The following GNB5 variants were observed in gnomAD, a reference collection of about 807,000 sequenced individuals.
GNB5 encodes guanine nucleotide-binding protein subunit beta-5.
A neutral mutation model predicts 55.3 loss-of-function variants in GNB5; 37 were observed. The observed-to-expected ratio is 0.67, with a 90% CI of 0.51 to 0.88. GNB5 has a LOEUF of 0.88. GNB5 is among the 40% of genes least tolerant of loss of function. GNB5 has a pLI of 0.00. For missense variants in GNB5, 476 were observed against 515.3 expected (o/e 0.92, Z 0.74); for synonymous variants, 219 against 198.5 (o/e 1.10, Z -0.87).
intron 3 of GNB5, among the ~76,000 whole-genome samples, chr15:52,167,627 T>C (rs564715331): frequency 1.3e-5 from 2 of 151,448 alleles, no homozygotes; most frequent in South Asian, 4.2e-4. Flanking sequence ...GTCAAGATCA[T>C]GCCATTGCAC....
chr15:52,139,867 C>T, intron 7 of GNB5: 2 of 1,286,674 alleles, frequency 1.6e-6, no homozygotes, highest in Non-Finnish European at 2.0e-6. Context: ...CAGAGCGAGT[C>T]TGATGGGTCT....
chr15:52,177,779 G>T (rs1174668729), intron 3 of GNB5, among the ~76,000 whole-genome samples: 2 of 152,090 alleles, frequency 1.3e-5, no homozygotes, highest in African/African-American at 4.8e-5. Context: ...CTTTATGCGG[G>T]GTAGAAGAGA....
At chr15:52,128,533 C>T in intron 9 of GNB5, 3 of 601,626 alleles carry the variant, frequency 5.0e-6, no homozygotes, top group South Asian at 4.9e-5. Flanking sequence ...AATCACATAT[C>T]TAATTCCTAA....
chr15:52,154,167 G>T, intron 3 of GNB5, 91 bp from the exon 4 acceptor site: 2 of 1,277,430 alleles, frequency 1.6e-6, no homozygotes, highest in South Asian at 3.1e-5. Context: ...TCCGCAGAGG[G>T]AGGCGGCCCC....
chr15:52,151,518 C>T (rs992193683), intron 4 of GNB5, among the ~76,000 whole-genome samples: 8 of 152,178 alleles, frequency 5.3e-5, no homozygotes, highest in Non-Finnish European at 1.0e-4. Context: ...TGCATCTAAG[C>T]AGGAAGGCTG....
chr15:52,147,709 C>CCTAA (rs1222390137), intron 5 of GNB5, among the ~76,000 whole-genome samples, 174 bp from the exon 6 acceptor site: 1 of 151,976 alleles, frequency 6.6e-6, no homozygotes, highest in African/African-American at 2.4e-5. Context: ...ATCTCAGCTT[C>CCTAA]CTAACTGGGA....
chr15:52,142,156 C>T (rs896773543), intron 6 of GNB5, among the ~76,000 whole-genome samples: 1 of 152,154 alleles, frequency 6.6e-6, no homozygotes, highest in African/African-American at 2.4e-5. Context: ...CTTGTAATGT[C>T]TCTTCCAAGA....
At chr15:52,187,982 A>G (rs528036497) in intron 1 of GNB5, among the ~76,000 whole-genome samples, 28 of 152,100 alleles carry the variant, frequency 1.8e-4, no homozygotes, top group Admixed American at 1.8e-3. Flanking sequence ...AAATAAATAA[A>G]TAAGTGGAAA....
chr15:52,123,851 C>T (rs1464280539), intron 12 of GNB5, among the ~76,000 whole-genome samples: 1 of 151,862 alleles, frequency 6.6e-6, no homozygotes, highest in African/African-American at 2.4e-5. Flanking sequence ...CTTAAACAGG[C>T]TATTTTGGTA....
chr15:52,149,504 A>T (rs2034045963), intron 5 of GNB5: 1 of 495,624 alleles, frequency 2.0e-6, no homozygotes, highest in Non-Finnish European at 3.6e-6. Flanking sequence ...TCATTCCCAC[A>T]GGGCTATGGA....
chr15:52,172,299 AATTTTTATTTTTTT>A (rs933445024), intron 3 of GNB5, among the ~76,000 whole-genome samples: 12 of 151,512 alleles, frequency 7.9e-5, no homozygotes, highest in Non-Finnish European at 1.6e-4. Flanking sequence ...ATGCCTGGCT[AATTTTTATTTTTTT>A]ATTTTTATTT....
rs538681569 is a variant in GNB5, at chr15:52,129,290, T to G, written c.864-1046A>C. On this transcript the variant is annotated intron_variant, in intron 9 of 12. Coordinates refer to ENST00000261837, the MANE Select transcript of GNB5 (RefSeq NM_016194.4). ...TTTCTCGTACCAGTGACCTACCCTA[T>G]AGTTCCACAAAAGCCGCAGGAGGAG... Among the ~76,000 whole-genome samples, 7 of 152,234 alleles carry G rather than the reference T, an allele frequency of 4.6e-5. No individual in the cohort carries two copies. In the East Asian group the frequency reaches 1.2e-3, roughly 25 times the overall value.
intron 3 of GNB5, among the ~76,000 whole-genome samples, chr15:52,166,834 G>T (rs1234446721): frequency 6.6e-6 from 1 of 152,072 alleles, no homozygotes; most frequent in Non-Finnish European, 1.5e-5. Context: ...ACCAAGATCA[G>T]AGTGGAACTA....
chr15:52,163,797 G>A (rs952483942), intron 3 of GNB5, among the ~76,000 whole-genome samples: 3 of 152,226 alleles, frequency 2.0e-5, no homozygotes, highest in Non-Finnish European at 4.4e-5. Context: ...CCCAACAGGG[G>A]TCTACAAATG....
Position 52,191,353 on chromosome 15 carries a change from A to C in GNB5, c.-50T>G, listed in dbSNP as rs1386083096. The C allele has an allele frequency of 6.6e-6, 1 of 152,360 alleles. No individual in the cohort carries two copies. The highest frequency in any genetic ancestry group is 1.5e-5 in the Non-Finnish European group (1 of 68,086). 9.4% of individuals were successfully genotyped at this position (152,360 alleles called of 1,614,324 possible). The stretch of plus-strand genomic sequence containing the variant: ...GAGTCAGCACTGGGAGCCACAGAGC[A>C]GATGGTGAGAGGTGAGGACCAGCGC... On this transcript the variant is annotated 5_prime_UTR_variant, in exon 1 of 13. Transcript: ENST00000261837.
intron 1 of GNB5, among the ~76,000 whole-genome samples, chr15:52,187,722 G>T (rs1289999502): frequency 6.6e-6 from 1 of 152,208 alleles, no homozygotes; most frequent in African/African-American, 2.4e-5. Context: ...GCCAAGGCGG[G>T]TGGATCACTT....
chr15:52,137,557 T>C, intron 7 of GNB5: 1 of 1,036,958 alleles, frequency 9.6e-7, no homozygotes, highest in Non-Finnish European at 1.2e-6. Context: ...CCAAAGAGCC[T>C]CTGGATAGCT....
intron 9 of GNB5, among the ~76,000 whole-genome samples, chr15:52,132,001 C>G (rs10162876): frequency 0.17 from 25,709 of 152,152 alleles, 2,274 homozygotes; most frequent in South Asian, 0.24. Flanking sequence ...CCCACCTCCT[C>G]CCGCTATCCC....
At chr15:52,183,033 C>A (rs563302926) in intron 2 of GNB5, among the ~76,000 whole-genome samples, 1 of 152,102 alleles carries the variant, frequency 6.6e-6, no homozygotes, top group African/African-American at 2.4e-5. Flanking sequence ...GTGCCTGTAA[C>A]CTCAGCTACT....
Sources: allele counts gnomAD v4.1 joint callset (sites outside exome capture counted in the v4.1 genomes callset), GRCh38; gene constraint gnomAD v4.1.1; transcripts MANE v1.5; gene names NCBI Gene and HGNC (gene_info 2026-07-23, HGNC 2026-07-21).